Variants in CYBRD1 observed in about 807,000 individuals in gnomAD.
CYBRD1 encodes the protein plasma membrane ascorbate-dependent reductase CYBRD1.
CYBRD1 carries 14 observed loss-of-function variants against 21.9 expected under a neutral mutation model. That is an observed-to-expected ratio of 0.64 (90% confidence interval 0.42 to 1.00). CYBRD1 has a LOEUF of 1.00. Ranked by LOEUF, CYBRD1 falls within the 50% of genes least tolerant of loss-of-function variation. CYBRD1 has a pLI of 0.00. For missense variants in CYBRD1, 328 were observed against 352.5 expected, an observed-to-expected ratio of 0.93 and a Z score of 0.56; for synonymous variants, 146 against 136.5, an observed-to-expected ratio of 1.07 and a Z score of -0.48.
At chr2:171,532,875 A>ATTG (rs920107118) in intron 1 of CYBRD1, among the ~76,000 whole-genome samples, 19 of 147,404 alleles carry the variant, frequency 1.3e-4, no homozygotes, top group African/African-American at 4.5e-4. Flanking sequence ...CCATTTCACG[A>ATTG]TGTGTGTGTG....
chr2:171,548,754 A>C (rs961504827), intron 2 of CYBRD1, among the ~76,000 whole-genome samples: 1 of 150,372 alleles, frequency 6.7e-6, no homozygotes, highest in African/African-American at 2.4e-5. Context: ...TGTTATGTCT[A>C]AAAGCTTACA....
At chr2:171,533,136 G>A (rs2105333329) in intron 1 of CYBRD1, among the ~76,000 whole-genome samples, 1 of 152,206 alleles carries the variant, frequency 6.6e-6, no homozygotes, top group Admixed American at 6.5e-5. Flanking sequence ...GGAGGCCAAG[G>A]TGGGCAGATC....
chr2:171,534,558 GCATTTATCCTT>G lies in CYBRD1; in HGVS notation c.194-7017_194-7007del, dbSNP rs1463207012. 5.9e-5 allele frequency among the ~76,000 whole-genome samples: 9 copies of G among 152,140 alleles called. No individual in the cohort carries two copies. In the East Asian group the frequency reaches 1.7e-3, roughly 29 times the overall value. On this transcript the variant is annotated intron_variant, in intron 1 of 3. Coordinates refer to ENST00000321348, the MANE Select transcript of CYBRD1 (RefSeq NM_024843.4). ...ACAGCTTATGCAAATGCAACATTTTGCATTTATCCTTCATTTATCCAGAGAGCATTTTGAAG... is the reference window on the plus strand; with the variant it reads ...ACAGCTTATGCAAATGCAACATTTTGCATTTATCCAGAGAGCATTTTGAAG...
Position 171,522,935 on chromosome 2 carries a change from G to A in CYBRD1, c.193+197G>A. ...GCTGGCTCTGGGGCGGGACAGAGCT[G>A]CGGTTCAGGAGGATCGCCGCGAGCG... On this transcript the variant is annotated intron_variant, in intron 1 of 3. Transcript: ENST00000321348. The surrounding 1 kb of genome is among the most constrained non-coding windows in gnomAD (Gnocchi z 4.3). 1 of 846,952 alleles carries A rather than the reference G, an allele frequency of 1.2e-6. No individual in the cohort carries two copies. Among genetic ancestry groups the A allele is most frequent in the Non-Finnish European group, 1.8e-6 (1 of 560,880 alleles). The allele number at this position is 846,952 out of a possible 1,614,324, so 52.5% of individuals were successfully genotyped here.
chr2:171,534,081 G>A (rs1348488289), intron 1 of CYBRD1, among the ~76,000 whole-genome samples: 3 of 152,078 alleles, frequency 2.0e-5, no homozygotes, highest in African/African-American at 7.2e-5. Flanking sequence ...ATTATACACA[G>A]GTATTCACTT....
chr2:171,553,998 T>C (rs1282790829), intron 3 of CYBRD1, among the ~76,000 whole-genome samples: 1 of 152,206 alleles, frequency 6.6e-6, no homozygotes, highest in Admixed American at 6.5e-5. Context: ...AACGGCCCGA[T>C]AGGGAATCTT....
chr2:171,550,648 T>C (rs1426765579), intron 2 of CYBRD1, among the ~76,000 whole-genome samples: 1 of 152,212 alleles, frequency 6.6e-6, no homozygotes, highest in African/African-American at 2.4e-5. Flanking sequence ...TCCTTTTAAA[T>C]GTAATTTTCT....
chr2:171,548,842 C>T (rs112995499), intron 2 of CYBRD1, among the ~76,000 whole-genome samples: 4,027 of 151,250 alleles, frequency 0.027, 57 homozygotes, highest in Admixed American at 0.037. Flanking sequence ...TGGTGGCTCA[C>T]GCCTGTAATC....
intron 2 of CYBRD1, among the ~76,000 whole-genome samples, chr2:171,548,096 G>T (rs1449223317): frequency 2.0e-5 from 3 of 146,934 alleles, no homozygotes; most frequent in African/African-American, 5.2e-5. Context: ...ATTGTAGTTG[G>T]TGCTGGTTAG....
chr2:171,548,014 T>C (rs940207835), intron 2 of CYBRD1, among the ~76,000 whole-genome samples: 2 of 152,094 alleles, frequency 1.3e-5, no homozygotes, highest in African/African-American at 2.4e-5. Flanking sequence ...CAAGGAGATG[T>C]AGAATATTGG....
At position 171,522,521 on chromosome 2, in the gene CYBRD1, C is replaced by T. The variant is rs755828772; in HGVS notation, c.-25C>T. ...CCGCCTCTCCAAGTTCTTGTGGCCC[C>T]CGCGGTGCGGAGTATGGGGCGCTGA... is the stretch of plus-strand genomic sequence containing the variant. On this transcript the variant is annotated 5_prime_UTR_variant, in exon 1 of 4. Transcript: ENST00000321348. This position sits in a 1 kb window ranked among gnomAD's most constrained non-coding sequence, Gnocchi z 4.3. 10 of 1,575,708 alleles carry T rather than the reference C, an allele frequency of 6.3e-6. No individual in the cohort carries two copies. The highest frequency in any genetic ancestry group is 1.9e-5 in the Admixed American group (1 of 52,166).
At chr2:171,526,391 TC>T (rs1697386798) in intron 1 of CYBRD1, among the ~76,000 whole-genome samples, 1 of 152,010 alleles carries the variant, frequency 6.6e-6, no homozygotes, top group African/African-American at 2.4e-5. Context: ...TGTCCCATTT[TC>T]TCCTCTGTGT....
At chr2:171,533,042 G>A (rs1309303244) in intron 1 of CYBRD1, among the ~76,000 whole-genome samples, 3 of 151,972 alleles carry the variant, frequency 2.0e-5, no homozygotes, top group Non-Finnish European at 4.4e-5. Context: ...GAACTACTGT[G>A]CTTTATTAGC....
intron 2 of CYBRD1, among the ~76,000 whole-genome samples, chr2:171,544,967 C>T (rs115970701): frequency 0.036 from 5,509 of 151,846 alleles, 144 homozygotes; most frequent in South Asian, 0.09. Context: ...GGCAAAACCC[C>T]GTCTGTACAA....
At chr2:171,549,007 A>G (rs994146508) in intron 2 of CYBRD1, among the ~76,000 whole-genome samples, 1 of 152,226 alleles carries the variant, frequency 6.6e-6, no homozygotes, top group Non-Finnish European at 1.5e-5. Flanking sequence ...GTATACATTT[A>G]TATCTTTAAG....
At chr2:171,546,090 A>G (rs935667489) in intron 2 of CYBRD1, among the ~76,000 whole-genome samples, 1 of 152,188 alleles carries the variant, frequency 6.6e-6, no homozygotes, top group South Asian at 2.1e-4. Flanking sequence ...ATTATTTCAC[A>G]ACTTCATGGC....
rs141024910 is a variant in CYBRD1, at chr2:171,538,139, C to T, written c.194-3446C>T. ...TAAAAATACAAAAATTAGCTGGGCG[C>T]GTATTCCCAGCTACTCAGGAGGCTG... On this transcript the variant is annotated intron_variant, in intron 1 of 3. Transcript: ENST00000321348. Among the ~76,000 whole-genome samples the T allele has an allele frequency of 9.0e-3, 1,364 of 151,920 alleles. 20 individuals carry two copies. The highest frequency in any genetic ancestry group is 0.028 in the African/African-American group (1,142 of 41,484).
rs146027567 is a variant in CYBRD1, at chr2:171,550,381, C to T, written c.403-2965C>T. On this transcript the variant is annotated intron_variant, in intron 2 of 3. Transcript: ENST00000321348. ...TCGGCCTCCCAAAGTGCTGGGATTA[C>T]AGCAGGCATCCCTTTAAATGCATGC... Among the ~76,000 whole-genome samples, 1,142 of 152,234 alleles carry T rather than the reference C, an allele frequency of 7.5e-3. 11 individuals are homozygous for T. The highest frequency in any genetic ancestry group is 0.011 in the Non-Finnish European group (726 of 68,022).
intron 1 of CYBRD1, among the ~76,000 whole-genome samples, chr2:171,529,870 A>G (rs1697438858): frequency 6.6e-6 from 1 of 152,170 alleles, no homozygotes; most frequent in South Asian, 2.1e-4. Flanking sequence ...GTGCCCCCCA[A>G]AAAGGTATGT....
Sources: allele counts gnomAD v4.1 joint callset (sites outside exome capture counted in the v4.1 genomes callset), GRCh38; gene constraint gnomAD v4.1.1; non-coding constraint Gnocchi (gnomAD v3.1); transcripts MANE v1.5; gene names NCBI Gene and HGNC (gene_info 2026-07-23, HGNC 2026-07-21).